HYLS1: variants seen among roughly 807,000 people sequenced by gnomAD.
The protein encoded by HYLS1 is centriolar and ciliogenesis-associated protein HYLS1.
A neutral mutation model predicts 29.4 loss-of-function variants in HYLS1; 25 were observed. The observed-to-expected ratio is 0.85, with a 90% CI of 0.62 to 1.19. The LOEUF is 1.19. Ranked by LOEUF, HYLS1 falls within the 50% of genes most tolerant of loss-of-function variation. The pLI, the probability that HYLS1 is intolerant of heterozygous loss-of-function variation, is 0.00. For missense variants in HYLS1, 352 were observed against 365.1 expected, an observed-to-expected ratio of 0.96 and a Z score of 0.29; for synonymous variants, 128 against 126.7, an observed-to-expected ratio of 1.01 and a Z score of -0.07.
chr11:125,888,826 A>G (rs1055438851), intron 1 of HYLS1, among the ~76,000 whole-genome samples: 10 of 152,210 alleles, frequency 6.6e-5, no homozygotes, highest in Non-Finnish European at 4.4e-5. Flanking sequence ...AAGTAGTACC[A>G]TAACTTCTAA....
At chr11:125,896,267 T>C (rs1356008317) in intron 2 of HYLS1, 6 of 1,610,528 alleles carry the variant, frequency 3.7e-6, no homozygotes, top group Non-Finnish European at 5.1e-6. Flanking sequence ...GGTTTCTGTC[T>C]GTGTCATTAT....
At chr11:125,897,289 G>A (rs1236905098) in intron 2 of HYLS1, among the ~76,000 whole-genome samples, 1 of 152,086 alleles carries the variant, frequency 6.6e-6, no homozygotes, top group African/African-American at 2.4e-5. Flanking sequence ...GAAAGTACTA[G>A]AAGAAAACAT....
chr11:125,895,916 G>A, intron 2 of HYLS1: 1 of 1,612,540 alleles, frequency 6.2e-7, no homozygotes, highest in Non-Finnish European at 8.5e-7. Flanking sequence ...CCTGTCCAAA[G>A]GCACTAACTC....
chr11:125,896,114 GA>G (rs1355080500), intron 2 of HYLS1: 1 of 1,614,182 alleles, frequency 6.2e-7, no homozygotes, highest in South Asian at 1.1e-5. Context: ...CATGAGCACT[GA>G]AATCAAATGC....
chr11:125,885,178 A>G (rs1944284581), upstream of HYLS1, among the ~76,000 whole-genome samples: 1 of 152,212 alleles, frequency 6.6e-6, no homozygotes, highest in South Asian at 2.1e-4. Flanking sequence ...GGGGCTGCAC[A>G]CAGTGGCTCA....
chr11:125,900,415 A>G lies in HYLS1; in HGVS notation c.*147A>G. ...TATCATTGGTCTTTCCTAGCTATAT[A>G]TCACATTGGTATCAGATGATACTTC... On this transcript the variant is annotated 3_prime_UTR_variant, in exon 3 of 3. Coordinates refer to ENST00000425380, the MANE Select transcript of HYLS1 (RefSeq NM_001134793.2). 1.4e-6 allele frequency: 1 copy of G among 718,006 alleles called. No individual in the cohort carries two copies. Among genetic ancestry groups the G allele is most frequent in the South Asian group, 1.8e-5 (1 of 56,184 alleles). 44.5% of individuals were successfully genotyped at this position (718,006 alleles called of 1,614,324 possible).
upstream of HYLS1, among the ~76,000 whole-genome samples, chr11:125,885,691 G>A (rs900339563): frequency 2.0e-5 from 3 of 152,202 alleles, no homozygotes; most frequent in Non-Finnish European, 4.4e-5. Flanking sequence ...CCCAGGCCAC[G>A]GACAGGCACC....
intron 2 of HYLS1, chr11:125,893,694 A>C: frequency 2.0e-6 from 2 of 993,624 alleles, no homozygotes; most frequent in Non-Finnish European, 2.8e-6. Flanking sequence ...GATCATCTGA[A>C]TTCCTAGTAC....
At position 125,889,740 on chromosome 11, in the gene HYLS1, AAAC is replaced by A. The variant is rs570939745; in HGVS notation, c.-75-1674_-75-1672del. On this transcript the variant is annotated intron_variant, in intron 1 of 2. Transcript: ENST00000425380. ...GCGACAGAGAGAGACTCGTCTCAAA[AAAC>A]AACAACAATAATAATAATGCCAAAC... is the stretch of plus-strand genomic sequence containing the variant. Among the ~76,000 whole-genome samples, 465 of 152,262 alleles carry A rather than the reference AAAC, an allele frequency of 3.1e-3. 2 individuals carry two copies. Among genetic ancestry groups the A allele is most frequent in the Non-Finnish European group, 5.0e-3 (340 of 68,002 alleles).
intron 2 of HYLS1, among the ~76,000 whole-genome samples, chr11:125,897,863 TTC>T (rs1944634906): frequency 2.0e-5 from 3 of 152,168 alleles, no homozygotes; most frequent in Admixed American, 2.0e-4. Flanking sequence ...ATTTAATCCA[TTC>T]ATATGCTTGC....
chr11:125,895,563 G>C lies in HYLS1; in HGVS notation c.-25-3781G>C, dbSNP rs189235230. The stretch of plus-strand genomic sequence containing the variant: ...ATCCATGGTTACAATATCTAAATCA[G>C]CACGAGGGAAAAAATAGCGGTAAGT... On this transcript the variant is annotated intron_variant, in intron 2 of 2. Coordinates refer to ENST00000425380, the MANE Select transcript of HYLS1 (RefSeq NM_001134793.2). The C allele has an allele frequency of 5.0e-5, 80 of 1,614,180 alleles. No individual in the cohort carries two copies. The Admixed American group carries it at 1.3e-3, about 27-fold the overall frequency.
At chr11:125,892,513 A>G (rs1944438822) in intron 2 of HYLS1, among the ~76,000 whole-genome samples, 2 of 152,194 alleles carry the variant, frequency 1.3e-5, no homozygotes, top group Admixed American at 1.3e-4. Context: ...CTCTCTCAGT[A>G]TGTGGTACTA....
chr11:125,886,621 G>C (rs1327873093), upstream of HYLS1, among the ~76,000 whole-genome samples: 3 of 130,144 alleles, frequency 2.3e-5, no homozygotes, highest in African/African-American at 9.3e-5. Flanking sequence ...GATGCAAAAA[G>C]AGTTAAAACA....
upstream of HYLS1, among the ~76,000 whole-genome samples, chr11:125,886,572 ATTTTTTTTTTTTTTTT>A (rs68098484): frequency 3.4e-5 from 4 of 117,460 alleles, no homozygotes; most frequent in African/African-American, 7.1e-5. Context: ...CAAGCACTAG[ATTTTTTTTTTTTTTTT>A]TTTTTTTTTT....
intron 2 of HYLS1, chr11:125,896,082 C>T: frequency 6.2e-7 from 1 of 1,614,210 alleles, no homozygotes; most frequent in East Asian, 2.2e-5. Context: ...ATAGGCTATT[C>T]TTAGGGCTAC....
chr11:125,896,389 A>G lies in HYLS1; in HGVS notation c.-25-2955A>G, dbSNP rs993148816. On this transcript the variant is annotated intron_variant, in intron 2 of 2. Coordinates refer to ENST00000425380, the MANE Select transcript of HYLS1 (RefSeq NM_001134793.2). Reference sequence around the variant, plus strand: ...ATGCTAGTTCCTTTGATGATGTTCTAATGGTATATAAGATTTAATTTAATG... The same window carrying G: ...ATGCTAGTTCCTTTGATGATGTTCTGATGGTATATAAGATTTAATTTAATG... 26 of 1,124,758 alleles carry G rather than the reference A, an allele frequency of 2.3e-5. No homozygotes were observed. In the East Asian group the frequency reaches 4.5e-4, roughly 19 times the overall value. The allele number at this position is 1,124,758 out of a possible 1,614,324, so 69.7% of individuals were successfully genotyped here.
In HYLS1 at chr11:125,895,335, T is replaced by C. The variant is rs1336727536; in HGVS notation, c.-26+3863T>C. The stretch of plus-strand genomic sequence containing the variant: ...GAGGATAGCCATCATACATCGGACT[T>C]GATGATAAAGGAATGCCTGGCCAGT... On this transcript the variant is annotated intron_variant, in intron 2 of 2. Coordinates refer to ENST00000425380, the MANE Select transcript of HYLS1 (RefSeq NM_001134793.2). The C allele has an allele frequency of 1.9e-6, 3 of 1,614,188 alleles. No homozygotes were observed. The South Asian group carries it at 3.3e-5, about 18-fold the overall frequency.
intron 2 of HYLS1, among the ~76,000 whole-genome samples, chr11:125,898,414 G>A (rs1944656655): frequency 6.6e-6 from 1 of 152,128 alleles, no homozygotes; most frequent in South Asian, 2.1e-4. Flanking sequence ...AGCTGGGCGC[G>A]GTGGCTCACC....
rs140683804 is a variant in HYLS1 at position 125,900,194 on chromosome 11, C to T, written c.826C>T (p.Arg276Cys). 8.2e-5 allele frequency: 132 copies of T among 1,614,174 alleles called. No individual in the cohort carries two copies. The African/African-American group carries it at 1.3e-3, about 16-fold the overall frequency. ...AACAGAGAAGAAAAGGTCTGCACTC[C>T]GTTGGGGTGTTCGTTGTGACCTTGC... ...VPTEKKRSAL[R>C]WGVRCDLANG... Residue 276 changes from arginine to cysteine, a missense_variant, in exon 3 of 3, where the codon CGT (arginine) becomes TGT (cysteine). Arg to Cys is a radical substitution (Grantham distance 180). Coordinates refer to ENST00000425380, the MANE Select transcript of HYLS1 (RefSeq NM_001134793.2).
Sources: allele counts gnomAD v4.1 joint callset (sites outside exome capture counted in the v4.1 genomes callset), GRCh38; gene constraint gnomAD v4.1.1; transcripts MANE v1.5; gene names NCBI Gene and HGNC (gene_info 2026-07-23, HGNC 2026-07-21).